Variants in LINS1 observed in about 807,000 individuals in gnomAD.
The protein encoded by LINS1 is lines homolog 1.
A neutral mutation model predicts 41.6 loss-of-function variants in LINS1; 27 were observed. The ratio of observed to expected loss-of-function variants is 0.65; its 90% CI spans 0.48 to 0.89. The LOEUF (loss-of-function observed/expected upper bound fraction) is 0.89, where lower values mean the gene tolerates loss of function less well. Ranked by LOEUF, LINS1 falls within the 40% of genes least tolerant of loss-of-function variation. The probability of loss-of-function intolerance (pLI) is 0.00; values close to 1 mark genes in which losing one functional copy is unlikely to be tolerated. For missense variants in LINS1, 955 were observed against 884.1 expected (o/e 1.08, Z -1.02); for synonymous variants, 336 against 312.9 (o/e 1.07, Z -0.78).
chr15:100,589,083 C>G (rs888270859), intron 1 of LINS1, among the ~76,000 whole-genome samples: 1 of 152,130 alleles, frequency 6.6e-6, no homozygotes, highest in East Asian at 1.9e-4. Context: ...TTAATTAAAA[C>G]CCCAAACTTA....
Position 100,567,698 on chromosome 15 carries a change from A to G in LINS1, c.*1540T>C, listed in dbSNP as rs1205094288. 1 of 152,246 alleles carries G rather than the reference A, an allele frequency of 6.6e-6. No individual in the cohort carries two copies. Among genetic ancestry groups the G allele is most frequent in the East Asian group, 1.9e-4 (1 of 5,204 alleles). The allele number at this position is 152,246 out of a possible 1,614,324, so 9.4% of individuals were successfully genotyped here. A position where few individuals can be genotyped will look rare whatever the true frequency, so the allele number is the denominator to read the frequency against. On this transcript the variant is annotated 3_prime_UTR_variant, in exon 7 of 7. Transcript: ENST00000314742. ...CAAACTATGTGGCATCCTTGAATAC[A>G]CATTCTTTGACGTGCTTTTTCAATT...
chr15:100,572,236 A>C (rs1891982856), intron 5 of LINS1, 171 bp from the exon 6 acceptor site: 1 of 1,439,520 alleles, frequency 6.9e-7, no homozygotes, highest in African/African-American at 1.4e-5. Context: ...GCAAATGAGG[A>C]CACTGAGGCT....
rs1462046230 is a variant in LINS1, at chr15:100,579,080, C to T, written c.489+1183G>A. On this transcript the variant is annotated intron_variant, in intron 3 of 6. Coordinates refer to ENST00000314742, the MANE Select transcript of LINS1 (RefSeq NM_001040616.3). ...TAGGAGATACACCTAATGTAAATGA[C>T]GAGTTAATGGGTGCAGCACACCAAC... Among the ~76,000 whole-genome samples, 11 of 151,874 alleles carry T rather than the reference C, an allele frequency of 7.2e-5. No individual in the cohort carries two copies. The South Asian group carries it at 1.7e-3, about 23-fold the overall frequency.
intron 3 of LINS1, 50 bp from the exon 4 acceptor site, chr15:100,575,178 C>T (rs533561371): frequency 6.1e-6 from 9 of 1,487,262 alleles, no homozygotes; most frequent in African/African-American, 1.4e-5. Flanking sequence ...ATTTTCTTTA[C>T]ATAATACAAC....
chr15:100,579,083 G>T (rs181207670), intron 3 of LINS1, among the ~76,000 whole-genome samples: 2,439 of 152,028 alleles, frequency 0.016, 33 homozygotes, highest in Middle Eastern at 0.071. Flanking sequence ...TAAATGACGA[G>T]TTAATGGGTG....
Position 100,569,984 on chromosome 15 carries a change from G to A in LINS1, c.1528C>T (p.Leu510Phe). The A allele has an allele frequency of 6.4e-7, 1 of 1,568,930 alleles. No homozygotes were observed. ...KNIGFDSTVL[L>F]DFLISSETCF... ...GTTTCTGATGAAATCAAAAAGTCAA[G>A]AAGAACTGTGGAATCAAATCCTATA... The change falls in exon 7 of 7, where the codon CTT becomes TTT. Residue 510 changes from leucine (L) to phenylalanine (F), a missense_variant. By Grantham distance (22) the Leu-to-Phe change is conservative. Coordinates refer to ENST00000314742, the MANE Select transcript of LINS1 (RefSeq NM_001040616.3).
At chr15:100,594,403 A>G (rs926581743) in intron 1 of LINS1, among the ~76,000 whole-genome samples, 4 of 152,072 alleles carry the variant, frequency 2.6e-5, no homozygotes, top group African/African-American at 9.7e-5. Context: ...TTGTGGGATC[A>G]AATGTTGTTG....
At chr15:100,574,836 G>A (rs1411510661) in intron 4 of LINS1, 151 bp downstream of exon 4, 1 of 802,706 alleles carries the variant, frequency 1.2e-6, no homozygotes, top group South Asian at 1.7e-5. Flanking sequence ...TTTAAAACAG[G>A]TTATCCTCAA....
intron 3 of LINS1, among the ~76,000 whole-genome samples, chr15:100,579,113 A>G (rs2141301452): frequency 6.6e-6 from 1 of 152,174 alleles, no homozygotes; most frequent in South Asian, 2.1e-4. Context: ...AACATGGCAC[A>G]TGTATACATA....
chr15:100,569,904 A>G lies in LINS1; in HGVS notation c.1608T>C (p.Asp536=). ...AGTTATTGCAAATGGTGAAAAAATT[A>G]TCCCAGTCCTTTTGCAGTAATTTTA... is the stretch of plus-strand genomic sequence containing the variant. ...RYLKLLQKDW[D]NFFTICNNFD... The change falls in exon 7 of 7, where the codon GAT becomes GAC. Residue 536 remains aspartate, a synonymous_variant. Transcript: ENST00000314742. The G allele has an allele frequency of 6.2e-7, 1 of 1,610,196 alleles. No individual in the cohort carries two copies. The highest frequency in any genetic ancestry group is 8.5e-7 in the Non-Finnish European group (1 of 1,177,758).
At chr15:100,572,924 G>C (rs1040080916) in intron 5 of LINS1, 2 of 675,776 alleles carry the variant, frequency 3.0e-6, no homozygotes, top group African/African-American at 3.8e-5. Context: ...AATGGGGTGG[G>C]GAAACAGAGA....
At chr15:100,577,772 T>A (rs2038273066) in intron 3 of LINS1, among the ~76,000 whole-genome samples, 2 of 152,154 alleles carry the variant, frequency 1.3e-5, no homozygotes, top group African/African-American at 4.8e-5. Context: ...GACTTCCAAC[T>A]ATACTACAAG....
At chr15:100,579,171 T>G (rs1225726418) in intron 3 of LINS1, among the ~76,000 whole-genome samples, 3 of 151,406 alleles carry the variant, frequency 2.0e-5, no homozygotes, top group Non-Finnish European at 4.4e-5. Flanking sequence ...ACTTAAAGTA[T>G]AATAAAAATA....
chr15:100,569,782 A>T lies in LINS1; in HGVS notation c.1730T>A (p.Leu577Ter). ...QSSNQTIPHR[L>*]TAPHSHRDVC... ...ATCTCTGTGACTATGAGGAGCAGTC[A>T]AACGATGGGGTATTGTTTGGTTGGA... The change falls in exon 7 of 7, where the codon TTG becomes TAG. Residue 577 changes from leucine (L) to a stop codon, truncating the protein, a stop_gained. Coordinates refer to ENST00000314742, the MANE Select transcript of LINS1 (RefSeq NM_001040616.3). LOFTEE classifies it low-confidence loss of function (END_TRUNC). The T allele has an allele frequency of 6.2e-7, 1 of 1,614,068 alleles. No homozygotes were observed. The highest frequency in any genetic ancestry group is 8.5e-7 in the Non-Finnish European group (1 of 1,179,976).
chr15:100,578,677 A>C (rs1326741464), intron 3 of LINS1, among the ~76,000 whole-genome samples: 1 of 152,248 alleles, frequency 6.6e-6, no homozygotes, highest in Non-Finnish European at 1.5e-5. Context: ...ATTACTGGGT[A>C]TATACCCAAA....
In LINS1 at chr15:100,571,287, GC is replaced by G. The variant is rs2037809892; in HGVS notation, c.1394+606del. Among the ~76,000 whole-genome samples the G allele has an allele frequency of 2.6e-5, 4 of 152,310 alleles. No individual in the cohort carries two copies. The East Asian group carries it at 7.7e-4, about 29-fold the overall frequency. On this transcript the variant is annotated intron_variant, in intron 6 of 6. Coordinates refer to ENST00000314742, the MANE Select transcript of LINS1 (RefSeq NM_001040616.3). ...ATGTGAGGGTTTTAATAAAGCAGAAGCAGAAACAGTGGAAAAGGTCATCGGT... is the reference window on the plus strand; with the variant it reads ...ATGTGAGGGTTTTAATAAAGCAGAAGAGAAACAGTGGAAAAGGTCATCGGT...
chr15:100,588,751 T>G (rs1369110670), intron 1 of LINS1, among the ~76,000 whole-genome samples: 1 of 152,254 alleles, frequency 6.6e-6, no homozygotes, highest in East Asian at 1.9e-4. Flanking sequence ...GGATCTTGTA[T>G]GATAAATTCT....
chr15:100,595,919 T>C (rs2039223837), intron 1 of LINS1, among the ~76,000 whole-genome samples: 1 of 152,214 alleles, frequency 6.6e-6, no homozygotes, highest in Admixed American at 6.5e-5. Context: ...CAATCGAAAC[T>C]GCACTTTTCA....
At position 100,580,750 on chromosome 15, in the gene LINS1, A is replaced by G. The variant is rs771496606; in HGVS notation, c.93T>C (p.Tyr31=). 10 of 1,610,298 alleles carry G rather than the reference A, an allele frequency of 6.2e-6. No individual in the cohort carries two copies. Among genetic ancestry groups the G allele is most frequent in the South Asian group, 1.1e-5 (1 of 90,954 alleles). Reference sequence around the variant, plus strand: ...CTTGATCTGAAACTGCTGGGTTGAGATAAAAGATGTAATCATGGCTGTCAT... The same window carrying G: ...CTTGATCTGAAACTGCTGGGTTGAGGTAAAAGATGTAATCATGGCTGTCAT... ...LENDSHDYIF[Y]LNPAVSDQDC... is the part of the protein sequence containing the mutation. The change falls in exon 2 of 7, where the codon TAT becomes TAC. Residue 31 remains tyrosine (Y), a synonymous_variant. Transcript: ENST00000314742.
Sources: gnomAD v4.1 joint callset for allele counts (sites outside exome capture counted in the v4.1 genomes callset) on GRCh38, gnomAD v4.1.1 for gene constraint, MANE v1.5 for transcripts, NCBI Gene and HGNC (gene_info 2026-07-23, HGNC 2026-07-21) for gene names.